WWOX: variants seen among roughly 807,000 people sequenced by gnomAD.
The protein encoded by WWOX is WW domain-containing oxidoreductase.
Under a neutral mutation model 46.2 loss-of-function variants are expected in WWOX, and 69 were observed. That is an observed-to-expected ratio of 1.49 (90% CI 1.23 to 1.82). The LOEUF is 1.82. WWOX is among the 40% of genes most tolerant of loss of function. WWOX has a pLI of 0.00. For missense variants in WWOX, 919 were observed against 542.6 expected (o/e 1.69, Z -6.89); for synonymous variants, 359 against 202.6 (o/e 1.77, Z -6.56).
intron 8 of WWOX, among the ~76,000 whole-genome samples, chr16:78,437,998 C>A (rs536268205): frequency 1.3e-4 from 20 of 152,116 alleles, no homozygotes; most frequent in African/African-American, 4.8e-4. Context: ...GGTTTTAATT[C>A]ACAAAACCAG....
intron 4 of WWOX, among the ~76,000 whole-genome samples, chr16:78,121,358 T>C (rs2033083498): frequency 6.6e-6 from 1 of 152,218 alleles, no homozygotes; most frequent in Non-Finnish European, 1.5e-5. Flanking sequence ...ATGGAGATTC[T>C]TGACAGTGTT....
intron 8 of WWOX, among the ~76,000 whole-genome samples, chr16:78,944,089 G>GT (rs1456637578): frequency 6.6e-6 from 1 of 152,096 alleles, no homozygotes; most frequent in Admixed American, 6.6e-5. Flanking sequence ...CCTGGGTTTT[G>GT]TTTGTTTGTT....
At chr16:78,475,473 A>T (rs149607327) in intron 8 of WWOX, among the ~76,000 whole-genome samples, 1 of 152,306 alleles carries the variant, frequency 6.6e-6, no homozygotes, top group East Asian at 1.9e-4. Flanking sequence ...TTGGTTTGTT[A>T]TAAGGTGGTC....
At chr16:78,540,016 T>A (rs1248952734) in intron 8 of WWOX, among the ~76,000 whole-genome samples, 46 of 120,820 alleles carry the variant, frequency 3.8e-4, no homozygotes, top group Admixed American at 9.4e-4. Context: ...TCTCTCTCTC[T>A]CTCTCACACA....
chr16:78,336,457 G>C (rs925595475), intron 5 of WWOX, among the ~76,000 whole-genome samples: 31 of 134,696 alleles, frequency 2.3e-4, no homozygotes, highest in African/African-American at 8.2e-4. Context: ...AGTGAGCCAA[G>C]ATCTCACCAC....
At chr16:78,424,152 C>G (rs1339692971) in intron 6 of WWOX, among the ~76,000 whole-genome samples, 3 of 115,124 alleles carry the variant, frequency 2.6e-5, no homozygotes, top group Admixed American at 2.3e-4. Flanking sequence ...GAGTCTTGCT[C>G]TGTTGGTCAG....
chr16:78,587,504 T>C (rs180995769), intron 8 of WWOX, among the ~76,000 whole-genome samples: 29 of 152,064 alleles, frequency 1.9e-4, no homozygotes, highest in Non-Finnish European at 2.9e-4. Flanking sequence ...AAGATAAGTG[T>C]CTTATTGATT....
At chr16:78,646,687 C>T (rs74645233) in intron 8 of WWOX, among the ~76,000 whole-genome samples, 7,521 of 152,212 alleles carry the variant, frequency 0.049, 299 homozygotes, top group South Asian at 0.16. Context: ...CTGGGCCTCC[C>T]GTAGTGATAG....
intron 8 of WWOX, among the ~76,000 whole-genome samples, chr16:78,997,042 G>A (rs760705168): frequency 5.3e-5 from 8 of 152,186 alleles, no homozygotes; most frequent in Non-Finnish European, 1.2e-4. Flanking sequence ...AGTTGATAGT[G>A]CTGCCACAGA....
intron 8 of WWOX, among the ~76,000 whole-genome samples, chr16:78,952,441 G>C (rs943072458): frequency 6.7e-6 from 1 of 149,616 alleles, no homozygotes; most frequent in Admixed American, 6.7e-5. Context: ...GGAGTACAGT[G>C]GCACGATCTT....
intron 8 of WWOX, among the ~76,000 whole-genome samples, chr16:79,080,715 C>T (rs1309786724): frequency 2.0e-5 from 3 of 152,084 alleles, no homozygotes; most frequent in African/African-American, 7.2e-5. Context: ...ACCTGTAATC[C>T]CAGCCACTTG....
At chr16:78,286,034 C>G (rs546411395) in intron 5 of WWOX, among the ~76,000 whole-genome samples, 2 of 152,242 alleles carry the variant, frequency 1.3e-5, no homozygotes, top group Admixed American at 6.5e-5. Flanking sequence ...CCAAAAAGTA[C>G]AAGGCGAGAT....
At chr16:78,267,811 C>T (rs1019479728) in intron 5 of WWOX, among the ~76,000 whole-genome samples, 2 of 152,166 alleles carry the variant, frequency 1.3e-5, no homozygotes, top group African/African-American at 4.8e-5. Context: ...ACTCTCATTG[C>T]CCAGGCTCAT....
intron 8 of WWOX, among the ~76,000 whole-genome samples, chr16:78,977,206 A>C (rs2046589770): frequency 6.6e-6 from 1 of 152,162 alleles, no homozygotes; most frequent in Non-Finnish European, 1.5e-5. Flanking sequence ...TTTTGGCAAG[A>C]CTTCTTCAGA....
intron 8 of WWOX, among the ~76,000 whole-genome samples, chr16:79,116,287 T>A (rs1412056436): frequency 6.6e-6 from 1 of 152,130 alleles, no homozygotes; most frequent in East Asian, 1.9e-4. Flanking sequence ...GACTCTTCCT[T>A]TTACAAAAGG....
intron 8 of WWOX, among the ~76,000 whole-genome samples, chr16:78,831,182 C>T (rs771300296): frequency 1.2e-4 from 19 of 152,152 alleles, no homozygotes; most frequent in Non-Finnish European, 2.5e-4. Flanking sequence ...AAGACCCTGG[C>T]TGTCTGAGCA....
chr16:78,555,168 TA>T (rs10635594), intron 8 of WWOX, among the ~76,000 whole-genome samples: 16,378 of 128,302 alleles, frequency 0.13, 1,047 homozygotes, highest in South Asian at 0.26. Context: ...TATGATTTTG[TA>T]AAAAAAAAAA....
intron 8 of WWOX, among the ~76,000 whole-genome samples, chr16:78,482,302 C>T (rs543410908): frequency 4.6e-5 from 7 of 152,226 alleles, no homozygotes; most frequent in Admixed American, 6.5e-5. Context: ...GTGGCGCGAT[C>T]TTGGCTCACT....
chr16:78,485,142 TAA>T (rs537466170), intron 8 of WWOX, among the ~76,000 whole-genome samples: 9 of 149,206 alleles, frequency 6.0e-5, no homozygotes, highest in African/African-American at 2.2e-4. Context: ...ACATGTACTT[TAA>T]AAAAAAAAAT....
Sources: gnomAD v4.1 joint callset for allele counts (sites outside exome capture counted in the v4.1 genomes callset) on GRCh38, gnomAD v4.1.1 for gene constraint, MANE v1.5 for transcripts, NCBI Gene and HGNC (gene_info 2026-07-23, HGNC 2026-07-21) for gene names.